GPHN: variants seen among roughly 807,000 people sequenced by gnomAD.
GPHN encodes the protein gephyrin.
In GPHN, 17 loss-of-function variants were observed where a neutral mutation model predicts 95.5. The ratio of observed to expected loss-of-function variants is 0.18; its 90% CI spans 0.12 to 0.27. The LOEUF is 0.27. Ranked by LOEUF, GPHN falls within the 10% of genes least tolerant of loss-of-function variation. The pLI, the probability that GPHN is intolerant of heterozygous loss-of-function variation, is 1.00. For missense variants in GPHN, 660 were observed against 978.1 expected (o/e 0.67, Z 4.34); for synonymous variants, 320 against 322.5 (o/e 0.99, Z 0.08).
At chr14:67,154,612 GAT>G (rs990718939) in intron 18 of GPHN, among the ~76,000 whole-genome samples, 1 of 151,782 alleles carries the variant, frequency 6.6e-6, no homozygotes, top group African/African-American at 2.4e-5. Flanking sequence ...TATAGATATA[GAT>G]ATATATAGAT....
the GPHN span, chr14:67,725,976 C>A: frequency 3.1e-6 from 3 of 969,842 alleles, no homozygotes; most frequent in Non-Finnish European, 1.7e-6. Flanking sequence ...AGGGAAAGGG[C>A]AATTATGCAG....
chr14:66,785,812 C>T (rs1171348306), intron 3 of GPHN, among the ~76,000 whole-genome samples: 1 of 148,170 alleles, frequency 6.7e-6, no homozygotes, highest in Non-Finnish European at 1.5e-5. Context: ...AGTAAATAAT[C>T]AAATAAGATG....
At chr14:67,730,762 C>A in the GPHN span, among the ~76,000 whole-genome samples, 1 of 152,094 alleles carries the variant, frequency 6.6e-6, no homozygotes, top group Non-Finnish European at 1.5e-5. Flanking sequence ...CGCCACCACA[C>A]CTGACTAGTT....
At chr14:67,427,386 G>A in the GPHN span, among the ~76,000 whole-genome samples, 1 of 152,130 alleles carries the variant, frequency 6.6e-6, no homozygotes, top group African/African-American at 2.4e-5. Context: ...GGTATGAGAG[G>A]GCAGCTCTGG....
intron 18 of GPHN, among the ~76,000 whole-genome samples, chr14:67,152,923 C>G (rs1395069004): frequency 6.6e-6 from 1 of 151,946 alleles, no homozygotes; most frequent in Non-Finnish European, 1.5e-5. Context: ...CAAGATTGTG[C>G]CACTGCACTC....
Position 66,539,860 on chromosome 14 carries a change from A to G in GPHN, c.64+31269A>G, listed in dbSNP as rs539322034. The stretch of plus-strand genomic sequence containing the variant: ...ACCTAGGAAGGGCTCTTCTCTTTCT[A>G]GAATTTCAGTTCATCTACTTCTTGT... On this transcript the variant is annotated intron_variant, in intron 1 of 22. Coordinates refer to ENST00000478722, the MANE Select transcript of GPHN (RefSeq NM_020806.5). 1.1e-4 allele frequency among the ~76,000 whole-genome samples: 17 copies of G among 152,312 alleles called. 1 individual carries two copies. The highest frequency in any genetic ancestry group is 4.1e-4 in the South Asian group (2 of 4,828).
chr14:67,672,447 C>CTTT, the GPHN span, among the ~76,000 whole-genome samples: 663 of 116,814 alleles, frequency 5.7e-3, 10 homozygotes, highest in Middle Eastern at 0.019. Flanking sequence ...CTTTTCTTTT[C>CTTT]TTTTTTTTTT....
the GPHN span, chr14:67,380,841 A>G: frequency 1.4e-6 from 1 of 717,330 alleles, no homozygotes; most frequent in South Asian, 3.4e-5. Flanking sequence ...GACTTACCAA[A>G]GAATATGTTG....
chr14:67,340,032 CAAA>C, the GPHN span: 69 of 71,762 alleles, frequency 9.6e-4, no homozygotes, highest in Middle Eastern at 8.3e-3. Flanking sequence ...CTCTGTCTCA[CAAA>C]AAAAAAAAAA....
chr14:67,423,268 A>C, the GPHN span, among the ~76,000 whole-genome samples: 4 of 152,162 alleles, frequency 2.6e-5, no homozygotes, highest in Non-Finnish European at 4.4e-5. Flanking sequence ...TGAATTTTTA[A>C]AATTAAGTGA....
At chr14:67,108,517 C>T (rs575742301) in intron 13 of GPHN, among the ~76,000 whole-genome samples, 23 of 152,038 alleles carry the variant, frequency 1.5e-4, no homozygotes, top group African/African-American at 5.3e-4. Context: ...GGCTTATATT[C>T]TGTAATATAT....
chr14:67,183,832 G>A (rs759058976), downstream of GPHN, among the ~76,000 whole-genome samples: 27 of 149,344 alleles, frequency 1.8e-4, no homozygotes, highest in Non-Finnish European at 2.8e-4. Flanking sequence ...GTGAGCCACC[G>A]TGCCCCACAT....
At chr14:67,388,296 T>G in the GPHN span, 18 of 1,609,862 alleles carry the variant, frequency 1.1e-5, 1 homozygote, top group Middle Eastern at 3.3e-4. Flanking sequence ...ACTGGCCTGT[T>G]CTCTTCCTGT....
chr14:66,958,375 A>G (rs1342178973), intron 8 of GPHN, among the ~76,000 whole-genome samples: 7 of 152,018 alleles, frequency 4.6e-5, no homozygotes, highest in South Asian at 4.1e-4. Context: ...GCGTCTTTGG[A>G]TCTAATTTGA....
At chr14:67,392,887 G>C in the GPHN span, 2 of 1,535,626 alleles carry the variant, frequency 1.3e-6, no homozygotes, top group Non-Finnish European at 1.8e-6. Flanking sequence ...ATGGGTGATG[G>C]ACCAGCGTCC....
chr14:66,609,110 T>C (rs2062672029), intron 1 of GPHN, among the ~76,000 whole-genome samples: 1 of 152,182 alleles, frequency 6.6e-6, no homozygotes, highest in South Asian at 2.1e-4. Context: ...GTTTTTGTGG[T>C]ATCAGATACT....
At chr14:66,572,558 T>C (rs1410145800) in intron 1 of GPHN, among the ~76,000 whole-genome samples, 1 of 152,064 alleles carries the variant, frequency 6.6e-6, no homozygotes, top group Non-Finnish European at 1.5e-5. Flanking sequence ...TTGATTTTTT[T>C]CAGATATTTT....
At chr14:66,982,998 C>A (rs113024054) in intron 9 of GPHN, among the ~76,000 whole-genome samples, 80 of 152,240 alleles carry the variant, frequency 5.3e-4, no homozygotes, top group African/African-American at 1.6e-3. Context: ...CGCCTGTAAT[C>A]CTGGCACTTT....
At chr14:67,192,875 T>C in the GPHN span, among the ~76,000 whole-genome samples, 7 of 146,518 alleles carry the variant, frequency 4.8e-5, no homozygotes, top group South Asian at 6.3e-4. Context: ...TATAGATATA[T>C]AGATATATAT....
Sources: gnomAD v4.1 joint callset for allele counts (sites outside exome capture counted in the v4.1 genomes callset) on GRCh38, gnomAD v4.1.1 for gene constraint, MANE v1.5 for transcripts, NCBI Gene and HGNC (gene_info 2026-07-23, HGNC 2026-07-21) for gene names.